SOX5: variants seen among roughly 807,000 people sequenced by gnomAD.
SOX5 encodes SRY-box transcription factor 5, also known as transcription factor SOX-5.
In SOX5, 9 loss-of-function variants were observed where a neutral mutation model predicts 92.0. The ratio of observed to expected loss-of-function variants is 0.10; its 90% CI spans 0.06 to 0.17. The LOEUF is 0.17. Among genes scored for constraint, SOX5 ranks in the 10% least tolerant of loss-of-function variants. The pLI is 1.00. For missense variants in SOX5, 642 were observed against 944.5 expected, an observed-to-expected ratio of 0.68 and a Z score of 4.20; for synonymous variants, 344 against 336.3, an observed-to-expected ratio of 1.02 and a Z score of -0.25.
In SOX5 at chr12:23,973,364, C is replaced by T. The variant is rs530823798; in HGVS notation, c.-1-77340G>A. ...TTTATAAAGATGGGGTTTCACCATG[C>T]CGGTCAGGCTGGTCTCGAACTCCTG... On this transcript the variant is annotated intron_variant, in intron 4 of 4. Coordinates refer to the SOX5 transcript ENST00000446891. 2.0e-5 allele frequency among the ~76,000 whole-genome samples: 3 copies of T among 151,670 alleles called. 1 individual carries two copies. In the South Asian group the frequency reaches 6.3e-4, roughly 32 times the overall value.
At chr12:23,711,227 C>A (rs911315226) in intron 6 of SOX5, among the ~76,000 whole-genome samples, 5 of 152,220 alleles carry the variant, frequency 3.3e-5, no homozygotes, top group Non-Finnish European at 7.4e-5. Context: ...CTTGATGAAG[C>A]CTTATTATCT....
At chr12:23,850,297 C>A (rs548282784) in intron 2 of SOX5, among the ~76,000 whole-genome samples, 3 of 151,592 alleles carry the variant, frequency 2.0e-5, no homozygotes, top group Admixed American at 6.6e-5. Flanking sequence ...GGCGTGGTGG[C>A]GCGCACCTGT....
chr12:23,946,689 G>T (rs541507093), intron 1 of SOX5, among the ~76,000 whole-genome samples: 1 of 152,022 alleles, frequency 6.6e-6, no homozygotes, highest in South Asian at 2.1e-4. Flanking sequence ...CTCACATTTA[G>T]ACCATGTTGC....
intron 4 of SOX5, among the ~76,000 whole-genome samples, chr12:24,161,161 T>G (rs954343679): frequency 1.3e-5 from 2 of 152,140 alleles, no homozygotes; most frequent in African/African-American, 2.4e-5. Context: ...AGTGGTAGAC[T>G]TCTACACTTC....
intron 2 of SOX5, among the ~76,000 whole-genome samples, chr12:24,307,230 A>G (rs1948667686): frequency 6.6e-6 from 1 of 152,054 alleles, no homozygotes; most frequent in African/African-American, 2.4e-5. Flanking sequence ...AAGAGGCATT[A>G]TTTTTCCTAT....
intron 4 of SOX5, among the ~76,000 whole-genome samples, chr12:24,097,285 T>C (rs1442608688): frequency 6.6e-6 from 1 of 152,196 alleles, no homozygotes; most frequent in Non-Finnish European, 1.5e-5. Flanking sequence ...ACTTATTATA[T>C]ACAATTTGCA....
intron 1 of SOX5, among the ~76,000 whole-genome samples, chr12:24,388,321 C>T (rs1048062405): frequency 6.6e-6 from 1 of 152,152 alleles, no homozygotes; most frequent in Non-Finnish European, 1.5e-5. Flanking sequence ...CCATGGATCA[C>T]ATCAAAAGAC....
intron 4 of SOX5, among the ~76,000 whole-genome samples, chr12:24,138,207 C>T (rs753155835): frequency 1.3e-5 from 2 of 152,196 alleles, no homozygotes; most frequent in African/African-American, 2.4e-5. Context: ...AGAACGGAGG[C>T]GTATCCACTT....
rs757221560 is a variant in SOX5 at position 23,536,578 on chromosome 12, A to C, written c.1863T>G (p.Pro621=). 1 of 1,614,172 alleles carries C rather than the reference A, an allele frequency of 6.2e-7. No individual in the cohort carries two copies. Among genetic ancestry groups the C allele is most frequent in the South Asian group, 1.1e-5 (1 of 91,086 alleles). The change falls in exon 14 of 15, where the codon CCT becomes CCG. Residue 621 remains proline, a synonymous_variant. Transcript: ENST00000451604. ...TTGGCCTGGGCTTGTACTTATAGTC[A>C]GGGTACTTCTCCAGGTGCTGCTTGC... The part of the protein sequence containing the change: ...RLSKQHLEKY[P]DYKYKPRPKR...
intron 6 of SOX5, among the ~76,000 whole-genome samples, chr12:23,684,886 G>A (rs138092492): frequency 6.6e-6 from 1 of 152,206 alleles, no homozygotes; most frequent in Admixed American, 6.6e-5. Flanking sequence ...GCTGCTAAAT[G>A]TTCTTTTTGC....
rs1436637955 is a variant in SOX5 at position 24,052,526 on chromosome 12, AAT to A, written c.-1-156504_-1-156503del. Reference sequence around the variant, plus strand: ...AGTTAAATTACCAATTTAAACTCAAAATATGAGTTTTCTAATTTTGCATTACT... The same window carrying A: ...AGTTAAATTACCAATTTAAACTCAAAATGAGTTTTCTAATTTTGCATTACT... On this transcript the variant is annotated intron_variant, in intron 4 of 4. Transcript: ENST00000446891. 3.3e-5 allele frequency among the ~76,000 whole-genome samples: 5 copies of A among 152,180 alleles called. No homozygotes were observed. The South Asian group carries it at 6.2e-4, about 19-fold the overall frequency.
At chr12:24,245,622 A>T (rs1938537931) in intron 3 of SOX5, among the ~76,000 whole-genome samples, 1 of 152,150 alleles carries the variant, frequency 6.6e-6, no homozygotes. Context: ...GTAGGGGAGA[A>T]GAGCTGTGAA....
intron 2 of SOX5, among the ~76,000 whole-genome samples, chr12:23,894,629 T>C (rs548910673): frequency 2.0e-5 from 3 of 152,280 alleles, no homozygotes; most frequent in African/African-American, 7.2e-5. Flanking sequence ...AAATCTAATA[T>C]GAAAATCAAA....
chr12:23,935,418 T>A (rs1942325794), intron 1 of SOX5, among the ~76,000 whole-genome samples: 1 of 151,276 alleles, frequency 6.6e-6, no homozygotes, highest in South Asian at 2.1e-4. Context: ...CCTACTGAGC[T>A]AGCAAAAACA....
chr12:23,831,531 C>T (rs958625418), intron 3 of SOX5, among the ~76,000 whole-genome samples: 2 of 152,016 alleles, frequency 1.3e-5, no homozygotes, highest in African/African-American at 4.8e-5. Flanking sequence ...ATAGATGATC[C>T]TGAGGGTGAA....
At chr12:24,353,790 G>A (rs11047386) in intron 2 of SOX5, among the ~76,000 whole-genome samples, 18,578 of 151,938 alleles carry the variant, frequency 0.12, 1,395 homozygotes, top group Middle Eastern at 0.2. Flanking sequence ...ACAGGCGCCC[G>A]CCACCACGCC....
At chr12:23,538,801 T>TTTTTC (rs1681174958) in intron 13 of SOX5, among the ~76,000 whole-genome samples, 1 of 20,140 alleles carries the variant, frequency 5.0e-5, no homozygotes, top group South Asian at 1.5e-3. Context: ...AGCATTTTCT[T>TTTTTC]TTTTTTTTTT....
intron 4 of SOX5, among the ~76,000 whole-genome samples, chr12:24,151,956 C>G (rs181848980): frequency 1.4e-4 from 21 of 152,120 alleles, no homozygotes; most frequent in Middle Eastern, 3.4e-3. Flanking sequence ...GATAGTCTCC[C>G]TATATCTTAT....
chr12:24,165,846 G>GAGTTTATAT (rs1206748643), intron 4 of SOX5, among the ~76,000 whole-genome samples: 4 of 152,038 alleles, frequency 2.6e-5, no homozygotes, highest in Admixed American at 2.0e-4. Flanking sequence ...CCATGCTAAG[G>GAGTTTATAT]AGTTTATATT....
Sources: allele counts gnomAD v4.1 joint callset (sites outside exome capture counted in the v4.1 genomes callset), GRCh38; gene constraint gnomAD v4.1.1; transcripts MANE v1.5; gene names NCBI Gene and HGNC (gene_info 2026-07-23, HGNC 2026-07-21).